Variants in MAST2 observed in about 807,000 individuals in gnomAD.
MAST2 encodes the protein microtubule-associated serine/threonine-protein kinase 2.
In MAST2, 70 loss-of-function variants were observed where a neutral mutation model predicts 147.4. The ratio of observed to expected loss-of-function variants is 0.47; its 90% CI spans 0.39 to 0.58. The LOEUF is 0.58. Among genes scored for constraint, MAST2 ranks in the 20% least tolerant of loss-of-function variants. The pLI, the probability that MAST2 is intolerant of heterozygous loss-of-function variation, is 0.00. For missense variants in MAST2, 2,080 were observed against 2,302.3 expected, an observed-to-expected ratio of 0.90 and a Z score of 1.98; for synonymous variants, 869 against 896.8, an observed-to-expected ratio of 0.97 and a Z score of 0.55.
chr1:45,900,892 G>A (rs1047383555), intron 4 of MAST2, among the ~76,000 whole-genome samples: 1 of 152,006 alleles, frequency 6.6e-6, no homozygotes, highest in Non-Finnish European at 1.5e-5. Flanking sequence ...TATAGATTCT[G>A]GATATTAGTC....
chr1:45,902,681 G>T (rs1649986325), intron 4 of MAST2, among the ~76,000 whole-genome samples: 1 of 151,834 alleles, frequency 6.6e-6, no homozygotes, highest in Non-Finnish European at 1.5e-5. Context: ...GTCTGTTCAG[G>T]ATTTCCATTT....
At chr1:45,969,053 G>A (rs1643778014) in intron 5 of MAST2, among the ~76,000 whole-genome samples, 1 of 151,830 alleles carries the variant, frequency 6.6e-6, no homozygotes. Flanking sequence ...TTCTTCCTTA[G>A]AATTTCTATT....
In MAST2 at chr1:46,006,250, T is replaced by A; in HGVS notation, c.757T>A (p.Ser253Thr). ...TPSSTVSSSC[S>T]SQEKLHQLPF... ...ATGTTTTCCCCTCTAGTCATCATGC[T>A]CCTCACAGGAAAAGCTGCATCAGTT... Residue 253 changes from serine (S) to threonine (T), a missense_variant, in exon 8 of 29, where the codon TCC (serine) becomes ACC (threonine). Transcript: ENST00000361297. 1 of 1,612,914 alleles carries A rather than the reference T, an allele frequency of 6.2e-7. No homozygotes were observed.
chr1:45,889,941 C>T (rs1373943265), intron 4 of MAST2, among the ~76,000 whole-genome samples: 1 of 152,112 alleles, frequency 6.6e-6, no homozygotes, highest in Non-Finnish European at 1.5e-5. Flanking sequence ...TTTAGGGTTT[C>T]ACCATGTTGG....
At position 45,901,273 on chromosome 1, in the gene MAST2, A is replaced by T. The variant is rs567967838; in HGVS notation, c.500+18878A>T. On this transcript the variant is annotated intron_variant, in intron 4 of 28. Transcript: ENST00000361297. ...TGAATGGAGTGTCCTTTCCCCATTG[A>T]TTATTGTGGTCAACTTTGTTGAAGA... Among the ~76,000 whole-genome samples, 4 of 151,960 alleles carry T rather than the reference A, an allele frequency of 2.6e-5. No individual in the cohort carries two copies. The South Asian group carries it at 8.3e-4, about 32-fold the overall frequency.
chr1:45,930,427 T>TTTTGTTTTGC (rs1247626899), intron 4 of MAST2, among the ~76,000 whole-genome samples: 1 of 151,318 alleles, frequency 6.6e-6, no homozygotes, highest in African/African-American at 2.4e-5. Flanking sequence ...TTTTGTTTTG[T>TTTTGTTTTGC]TTATCTTATG....
At chr1:45,865,479 G>T (rs1646115851) in intron 3 of MAST2, among the ~76,000 whole-genome samples, 2 of 152,100 alleles carry the variant, frequency 1.3e-5, no homozygotes, top group African/African-American at 4.8e-5. Flanking sequence ...TGACCACCAT[G>T]CCTGATCTGC....
intron 4 of MAST2, among the ~76,000 whole-genome samples, chr1:45,955,377 C>T (rs975361825): frequency 1.3e-5 from 2 of 151,964 alleles, no homozygotes; most frequent in Non-Finnish European, 2.9e-5. Context: ...CTGCAAATAG[C>T]TGTTATACTA....
At chr1:45,830,424 C>A (rs974920506) in intron 3 of MAST2, among the ~76,000 whole-genome samples, 3 of 152,100 alleles carry the variant, frequency 2.0e-5, no homozygotes, top group Non-Finnish European at 4.4e-5. Flanking sequence ...CCACCCACCT[C>A]AGCCTCCCAA....
intron 3 of MAST2, among the ~76,000 whole-genome samples, chr1:45,863,593 C>T (rs1646050358): frequency 6.6e-6 from 1 of 152,118 alleles, no homozygotes; most frequent in Non-Finnish European, 1.5e-5. Context: ...GTAAAAAGAC[C>T]AGAAAATGAT....
intron 4 of MAST2, among the ~76,000 whole-genome samples, chr1:45,958,753 C>A (rs1660004909): frequency 6.6e-6 from 1 of 152,122 alleles, no homozygotes; most frequent in African/African-American, 2.4e-5. Context: ...AAAAGATAGA[C>A]TGACTTTCAA....
rs371414806 is a variant in MAST2, at chr1:46,021,976, C to T, written c.1317C>T (p.His439=). 20 of 1,614,094 alleles carry T rather than the reference C, an allele frequency of 1.2e-5. No individual in the cohort carries two copies. Among genetic ancestry groups the T allele is most frequent in the Non-Finnish European group, 1.5e-5 (18 of 1,180,044 alleles). Residue 439 remains histidine (H), a synonymous_variant, in exon 12 of 29, where the codon CAC becomes CAT. Coordinates refer to ENST00000361297, the MANE Select transcript of MAST2 (RefSeq NM_015112.3). ...CLEFDPEEFY[H]LLEAAEGHAK... is the part of the protein sequence containing the mutation. ...AGTTTGACCCTGAAGAGTTCTACCA[C>T]CTTTTAGAAGCAGCTGAGGGCCACG...
chr1:46,010,981 G>A (rs1645691424), intron 10 of MAST2, 42 bp downstream of exon 10: 1 of 1,536,422 alleles, frequency 6.5e-7, no homozygotes, highest in Non-Finnish European at 9.0e-7. Flanking sequence ...ACCTCCACCT[G>A]GTATTGGATT....
chr1:45,929,580 C>T (rs1459225131), intron 4 of MAST2, among the ~76,000 whole-genome samples: 1 of 152,170 alleles, frequency 6.6e-6, no homozygotes, highest in Non-Finnish European at 1.5e-5. Context: ...GCTTTTCTTT[C>T]ATGTCCCTAG....
chr1:45,933,585 CAAAA>C (rs11312369), intron 4 of MAST2, among the ~76,000 whole-genome samples: 5 of 102,262 alleles, frequency 4.9e-5, no homozygotes, highest in Admixed American at 2.0e-4. Context: ...ACTAAAAATG[CAAAA>C]AAAAAAAAAA....
At chr1:45,830,997 C>T (rs1644939198) in intron 3 of MAST2, among the ~76,000 whole-genome samples, 1 of 148,792 alleles carries the variant, frequency 6.7e-6, no homozygotes, top group South Asian at 2.1e-4. Context: ...GATTGTGCCA[C>T]CACACTCTGG....
intron 6 of MAST2, among the ~76,000 whole-genome samples, chr1:46,001,626 G>A (rs1428746209): frequency 1.3e-5 from 2 of 152,292 alleles, no homozygotes; most frequent in South Asian, 2.1e-4. Context: ...TAGCCTATAT[G>A]TGCTGCTGCC....
intron 1 of MAST2, among the ~76,000 whole-genome samples, chr1:45,818,340 T>C (rs1179177006): frequency 6.6e-6 from 1 of 152,188 alleles, no homozygotes; most frequent in Non-Finnish European, 1.5e-5. Context: ...AAGTTTGGCT[T>C]TGGGAAGTGC....
At chr1:45,923,655 T>G (rs570639695) in intron 4 of MAST2, among the ~76,000 whole-genome samples, 2 of 152,302 alleles carry the variant, frequency 1.3e-5, no homozygotes, top group South Asian at 4.1e-4. Context: ...GATCACATTC[T>G]TAACAACCAC....
Sources: allele counts gnomAD v4.1 joint callset (sites outside exome capture counted in the v4.1 genomes callset), GRCh38; gene constraint gnomAD v4.1.1; transcripts MANE v1.5; gene names NCBI Gene and HGNC (gene_info 2026-07-23, HGNC 2026-07-21).